The following NPAS3 variants were observed in gnomAD, a reference collection of about 807,000 sequenced individuals.
NPAS3 encodes the protein neuronal PAS domain-containing protein 3.
Under a neutral mutation model 73.1 loss-of-function variants are expected in NPAS3, and 14 were observed. That is an observed-to-expected ratio of 0.19 (90% CI 0.13 to 0.30). The LOEUF is 0.30. Ranked by LOEUF, NPAS3 falls within the 10% of genes least tolerant of loss-of-function variation. The pLI is 1.00. For synonymous variants in NPAS3, 620 were observed against 541.5 expected (o/e 1.14, Z -2.01); for missense variants, 1,096 against 1,250.0 (o/e 0.88, Z 1.86).
intron 5 of NPAS3, among the ~76,000 whole-genome samples, chr14:33,581,815 C>A (rs2056674481): frequency 6.6e-6 from 1 of 152,198 alleles, no homozygotes; most frequent in African/African-American, 2.4e-5. Flanking sequence ...CTCAAGCCAT[C>A]CACCTGCCTC....
Position 33,163,108 on chromosome 14 carries a change from C to G in NPAS3, c.141-52074C>G, listed in dbSNP as rs565184952. On this transcript the variant is annotated intron_variant, in intron 2 of 11. Transcript: ENST00000356141. Reference sequence around the variant, plus strand: ...TAGTTTGGCTTTAACATCTCTGTACCCCTCATTCATTATTTAATCTTATTT... The same window carrying G: ...TAGTTTGGCTTTAACATCTCTGTACGCCTCATTCATTATTTAATCTTATTT... Among the ~76,000 whole-genome samples, 3 of 152,144 alleles carry G rather than the reference C, an allele frequency of 2.0e-5. No individual in the cohort carries two copies. The South Asian group carries it at 6.2e-4, about 32-fold the overall frequency.
At chr14:33,162,834 C>T (rs1333429973) in intron 2 of NPAS3, among the ~76,000 whole-genome samples, 1 of 152,148 alleles carries the variant, frequency 6.6e-6, no homozygotes, top group Non-Finnish European at 1.5e-5. Flanking sequence ...GATATTTTTC[C>T]TCCAGACATC....
intron 3 of NPAS3, among the ~76,000 whole-genome samples, chr14:33,259,264 T>A (rs565582009): frequency 5.3e-4 from 81 of 152,356 alleles, no homozygotes; most frequent in Non-Finnish European, 1.0e-3. Context: ...ACATCAGCTA[T>A]GATTTTTTAT....
At chr14:33,244,357 T>C (rs1033529003) in intron 3 of NPAS3, among the ~76,000 whole-genome samples, 1 of 152,190 alleles carries the variant, frequency 6.6e-6, no homozygotes, top group African/African-American at 2.4e-5. Context: ...ATTTATTTAC[T>C]TTATCAGTCT....
In NPAS3 at chr14:33,288,084, T is replaced by C. The variant is rs79081402; in HGVS notation, c.385+72658T>C. 2.5e-3 allele frequency among the ~76,000 whole-genome samples: 384 copies of C among 152,282 alleles called. 2 individuals carry two copies. Among genetic ancestry groups the C allele is most frequent in the African/African-American group, 9.0e-3 (374 of 41,578 alleles). Reference sequence around the variant, plus strand: ...CTTTCCAAATTTTGCATTGCAAACTTTCTATGAAATGGATGTTAGTCCAGA... The same window carrying C: ...CTTTCCAAATTTTGCATTGCAAACTCTCTATGAAATGGATGTTAGTCCAGA... On this transcript the variant is annotated intron_variant, in intron 3 of 11. Coordinates refer to ENST00000356141, the Ensembl canonical transcript of NPAS3.
intron 2 of NPAS3, chr14:33,213,804 C>G (rs2047122493): frequency 6.6e-6 from 1 of 152,096 alleles, no homozygotes; most frequent in South Asian, 2.1e-4. Context: ...TGGGTATTAG[C>G]CTAGCAAGTA....
chr14:33,683,551 A>G (rs2060002269), intron 6 of NPAS3, among the ~76,000 whole-genome samples: 2 of 151,866 alleles, frequency 1.3e-5, no homozygotes, highest in South Asian at 4.2e-4. Context: ...AATACATTCC[A>G]CTGCACAGAA....
At chr14:33,464,532 A>G (rs1403811642) in intron 4 of NPAS3, among the ~76,000 whole-genome samples, 4 of 152,116 alleles carry the variant, frequency 2.6e-5, no homozygotes, top group African/African-American at 9.7e-5. Flanking sequence ...AAGTTTTTTG[A>G]GAGATCGACC....
At chr14:33,382,522 A>G (rs115861595) in intron 4 of NPAS3, among the ~76,000 whole-genome samples, 2,099 of 152,254 alleles carry the variant, frequency 0.014, 59 homozygotes, top group African/African-American at 0.048. Flanking sequence ...TGAAATGCAG[A>G]CCAGTTTAGC....
At chr14:33,518,436 C>T (rs1318838516) in intron 4 of NPAS3, among the ~76,000 whole-genome samples, 1 of 152,072 alleles carries the variant, frequency 6.6e-6, no homozygotes, top group African/African-American at 2.4e-5. Flanking sequence ...TTGAGCCTGA[C>T]TTACCCTCAT....
intron 1 of NPAS3, among the ~76,000 whole-genome samples, chr14:33,036,469 T>C (rs911826209): frequency 2.0e-5 from 3 of 151,910 alleles, no homozygotes; most frequent in Admixed American, 6.6e-5. Context: ...CACCTAAAGA[T>C]AGTAGAAAGA....
At chr14:33,778,028 T>C (rs2062874057) in intron 8 of NPAS3, among the ~76,000 whole-genome samples, 1 of 152,230 alleles carries the variant, frequency 6.6e-6, no homozygotes, top group African/African-American at 2.4e-5. Context: ...CCCTTTTTCA[T>C]GGAAATACCC....
Position 33,142,205 on chromosome 14 carries a change from T to C in NPAS3, c.141-72977T>C, listed in dbSNP as rs1306581441. ...ATTTGTATAAGCTTTTTTTTTTTTT[T>C]TTTTTTTTTACTAAAATCTGTCACC... On this transcript the variant is annotated intron_variant, in intron 2 of 11. Coordinates refer to ENST00000356141, the Ensembl canonical transcript of NPAS3. Among the ~76,000 whole-genome samples the C allele has an allele frequency of 6.9e-5, 10 of 145,148 alleles. 1 individual carries two copies. The highest frequency in any genetic ancestry group is 2.5e-4 in the African/African-American group (10 of 40,084).
At chr14:33,576,678 A>T (rs1432373043) in intron 5 of NPAS3, among the ~76,000 whole-genome samples, 3 of 152,098 alleles carry the variant, frequency 2.0e-5, no homozygotes, top group African/African-American at 7.2e-5. Context: ...ACCTTTATTC[A>T]CCTCTATTGT....
chr14:32,983,733 TA>T (rs1428975144), intron 1 of NPAS3, among the ~76,000 whole-genome samples: 1 of 152,048 alleles, frequency 6.6e-6, no homozygotes, highest in African/African-American at 2.4e-5. Context: ...TATTATTATA[TA>T]TTTTTTAAAT....
chr14:32,988,443 C>G (rs1453348084), intron 1 of NPAS3, among the ~76,000 whole-genome samples: 1 of 151,842 alleles, frequency 6.6e-6, no homozygotes, highest in Admixed American at 6.6e-5. Context: ...AACATTTTCT[C>G]CATTAAAATG....
At chr14:33,509,803 T>A (rs1047676861) in intron 4 of NPAS3, among the ~76,000 whole-genome samples, 2 of 152,080 alleles carry the variant, frequency 1.3e-5, no homozygotes, top group African/African-American at 4.8e-5. Flanking sequence ...GACTCTTTAG[T>A]CCATAGAGCC....
intron 5 of NPAS3, among the ~76,000 whole-genome samples, chr14:33,675,882 G>T (rs1000118107): frequency 6.6e-6 from 1 of 151,854 alleles, no homozygotes; most frequent in Admixed American, 6.6e-5. Context: ...CACCAAACAC[G>T]CAAGTATTTG....
intron 4 of NPAS3, among the ~76,000 whole-genome samples, chr14:33,403,300 A>C (rs1378127808): frequency 5.3e-5 from 8 of 152,136 alleles, no homozygotes; most frequent in African/African-American, 1.9e-4. Context: ...ATTAAAAAAA[A>C]GCATAAGAAA....
Sources: gnomAD v4.1 joint callset for allele counts (sites outside exome capture counted in the v4.1 genomes callset) on GRCh38, gnomAD v4.1.1 for gene constraint, MANE v1.5 for transcripts, NCBI Gene and HGNC (gene_info 2026-07-23, HGNC 2026-07-21) for gene names.